Variants in PKN3 observed in about 807,000 individuals in gnomAD.
PKN3 encodes the protein protein kinase N3, also known as serine/threonine-protein kinase N3.
A neutral mutation model predicts 113.1 loss-of-function variants in PKN3; 91 were observed. The observed-to-expected ratio is 0.80, with a 90% CI of 0.68 to 0.96. The LOEUF is 0.96. Among genes scored for constraint, PKN3 ranks in the 40% least tolerant of loss-of-function variants. The pLI is 0.00. For missense variants in PKN3, 1,052 were observed against 1,202.2 expected (o/e 0.88, Z 1.85); for synonymous variants, 467 against 499.0 (o/e 0.94, Z 0.85).
intron 1 of PKN3, among the ~76,000 whole-genome samples, chr9:128,704,867 G>A (rs1026888790): frequency 4.6e-5 from 7 of 150,686 alleles, no homozygotes; most frequent in South Asian, 4.2e-4. Flanking sequence ...GTGGTGAACC[G>A]AGATCGTGCC....
intron 3 of PKN3, 67 bp downstream of exon 3, chr9:128,705,946 C>T: frequency 1.4e-6 from 2 of 1,443,714 alleles, no homozygotes; most frequent in Non-Finnish European, 1.9e-6. Flanking sequence ...TGCACCTCAG[C>T]CATTGGGCTC....
At position 128,705,578 on chromosome 9, in the gene PKN3, G is replaced by A. The variant is rs754024097; in HGVS notation, c.265+35G>A. The A allele has an allele frequency of 3.7e-5, 57 of 1,549,710 alleles. No homozygotes were observed. The Middle Eastern group carries it at 7.2e-4, about 20-fold the overall frequency. ...GAGCTGAGACCCCCTCAGGACAGAA[G>A]GCTCTAGGCCCATCTGGCCCCTGGC... is the stretch of plus-strand genomic sequence containing the variant. On this transcript the variant is annotated intron_variant, in intron 2 of 21. Transcript: ENST00000291906.
chr9:128,714,898 C>A (rs754116698), intron 13 of PKN3, 33 bp downstream of exon 13: 5 of 1,586,504 alleles, frequency 3.2e-6, no homozygotes, highest in Non-Finnish European at 4.3e-6. Context: ...ATGTTTGAGA[C>A]GTTCGTCTGC....
At position 128,706,885 on chromosome 9, in the gene PKN3, C is replaced by A. The variant is rs772558069; in HGVS notation, c.524-11C>A. 2 of 1,614,038 alleles carry A rather than the reference C, an allele frequency of 1.2e-6. No homozygotes were observed. Among genetic ancestry groups the A allele is most frequent in the East Asian group, 4.5e-5 (2 of 44,884 alleles). ...AAGAGCAGGGCCTGAGAGCCGCCGT[C>A]CTTCCCACAGGGCCTGAGCTGCTGG... On this transcript the variant is annotated splice_polypyrimidine_tract_variant and intron_variant, in intron 4 of 21. Transcript: ENST00000291906.
chr9:128,713,646 C>G lies in PKN3; in HGVS notation c.1236+4C>G. On this transcript the variant is annotated splice_donor_region_variant and intron_variant, in intron 9 of 21. Coordinates refer to ENST00000291906, the MANE Select transcript of PKN3 (RefSeq NM_013355.5). The stretch of plus-strand genomic sequence containing the variant: ...GCAGGGACTGCTTTTTGCCCAGGTG[C>G]TCACCACCTCCGCCCTCTGACTTGG... 6.2e-7 allele frequency: 1 copy of G among 1,613,354 alleles called. No individual in the cohort carries two copies. The highest frequency in any genetic ancestry group is 8.5e-7 in the Non-Finnish European group (1 of 1,179,822).
At position 128,702,763 on chromosome 9, in the gene PKN3, C is replaced by T. The variant is rs1003421786; in HGVS notation, c.-153C>T. 326 of 584,400 alleles carry T rather than the reference C, an allele frequency of 5.6e-4. 1 individual carries two copies. Among genetic ancestry groups the T allele is most frequent in the South Asian group, 1.5e-3 (71 of 48,222 alleles). 36.2% of individuals were successfully genotyped at this position (584,400 alleles called of 1,614,324 possible). On this transcript the variant is annotated 5_prime_UTR_variant, in exon 1 of 22. Coordinates refer to ENST00000291906, the MANE Select transcript of PKN3 (RefSeq NM_013355.5). ...CGCGGACGGGAGGCGGCGCTGGTCC[C>T]GCGGGCCAGCGGGTCTCGGGAGGGG... is the stretch of plus-strand genomic sequence containing the variant.
At chr9:128,705,922 G>C in intron 3 of PKN3, 43 bp downstream of exon 3, 1 of 1,516,898 alleles carries the variant, frequency 6.6e-7, no homozygotes, top group East Asian at 2.3e-5. Flanking sequence ...CTGGCCCCTG[G>C]TCTGACAGGG....
intron 1 of PKN3, 32 bp downstream of exon 1, chr9:128,702,971 G>C: frequency 2.2e-6 from 3 of 1,370,582 alleles, no homozygotes; most frequent in South Asian, 1.5e-5. Context: ...CGCGGGCCCG[G>C]GGGGTGCGAG....
rs1287644156 is a variant in PKN3 at position 128,713,971 on chromosome 9, C to G, written c.1237-75C>G. 6.7e-6 allele frequency: 10 copies of G among 1,495,060 alleles called. No homozygotes were observed. The African/African-American group carries it at 1.2e-4, about 19-fold the overall frequency. 92.6% of individuals were successfully genotyped at this position (1,495,060 alleles called of 1,614,324 possible). On this transcript the variant is annotated intron_variant, in intron 9 of 21. Transcript: ENST00000291906. ...TGACCCTGGGGGCTTGGGCTGTAAT[C>G]CCAGGGGCAGAGGAGGTGCCATGGC...
At position 128,713,536 on chromosome 9, in the gene PKN3, G is replaced by T; in HGVS notation, c.1130G>T (p.Trp377Leu). 1.9e-6 allele frequency: 3 copies of T among 1,613,940 alleles called. No homozygotes were observed. The highest frequency in any genetic ancestry group is 2.5e-6 in the Non-Finnish European group (3 of 1,179,990). The change falls in exon 9 of 22, where the codon TGG becomes TTG. Residue 377 changes from tryptophan to leucine, a missense_variant. Coordinates refer to ENST00000291906, the MANE Select transcript of PKN3 (RefSeq NM_013355.5). ...ELEIGVHWRDWRQLCGVAFLR... is the reference protein window; with the variant it reads ...ELEIGVHWRDLRQLCGVAFLR... The stretch of plus-strand genomic sequence containing the variant: ...GAGATTGGGGTACACTGGCGGGACT[G>T]GCGGCAGCTATGTGGCGTGGCCTTC...
At chr9:128,706,477 C>T (rs769533136) in intron 3 of PKN3, among the ~76,000 whole-genome samples, 11 of 151,966 alleles carry the variant, frequency 7.2e-5, no homozygotes, top group Non-Finnish European at 1.3e-4. Context: ...ATGGGAGAGG[C>T]ATGACCCCAG....
At chr9:128,718,826 A>C (rs1589493884) in intron 18 of PKN3, among the ~76,000 whole-genome samples, 1 of 149,504 alleles carries the variant, frequency 6.7e-6, no homozygotes, top group South Asian at 2.1e-4. Flanking sequence ...CCCAGCCTGC[A>C]CCTGGCCCAA....
chr9:128,707,435 T>G (rs768365331), intron 6 of PKN3, 30 bp downstream of exon 6: 7 of 1,557,616 alleles, frequency 4.5e-6, no homozygotes, highest in Non-Finnish European at 6.1e-6. Flanking sequence ...CCTTCAAAGC[T>G]CTCCTTCTTT....
rs1368686170 is a variant in PKN3, at chr9:128,705,490, T to G, written c.212T>G (p.Leu71Arg). 2.6e-6 allele frequency: 4 copies of G among 1,560,966 alleles called. No individual in the cohort carries two copies. Among genetic ancestry groups the G allele is most frequent in the Admixed American group, 3.8e-5 (2 of 52,062 alleles). The change falls in exon 2 of 22, where the codon CTG becomes CGG. Residue 71 changes from leucine (L) to arginine (R), a missense_variant. Leu to Arg is a moderately radical substitution (Grantham distance 102). Around this residue, in one of 2 missense-constraint regions of PKN3, gnomAD observed 719 missense variants for 759.4 expected, o/e 0.95. Coordinates refer to ENST00000291906, the MANE Select transcript of PKN3 (RefSeq NM_013355.5). ...NRRLEQLHGELRELHARILLP... is the reference protein window; with the variant it reads ...NRRLEQLHGERRELHARILLP... ...CGCCTGGAGCAGCTGCATGGCGAGCTGCGGGAGCTGCACGCCCGAATCCTG... is the reference window on the plus strand; with the variant it reads ...CGCCTGGAGCAGCTGCATGGCGAGCGGCGGGAGCTGCACGCCCGAATCCTG...
Position 128,720,560 on chromosome 9 carries a change from CCTTCCGGGA to C in PKN3, c.2629_2637del (p.Arg877_Phe879del). The C allele has an allele frequency of 2.5e-6, 4 of 1,613,498 alleles. No individual in the cohort carries two copies. The highest frequency in any genetic ancestry group is 3.4e-6 in the Non-Finnish European group (4 of 1,180,000). ...CTCCTCACTGCCCGCCAACAGGCCG[CCTTCCGGGA>C]CTTCGACTTTGTGTCAGAGCGATTC... On this transcript the variant is annotated inframe_deletion, in exon 22 of 22. Transcript: ENST00000291906. This position sits in a 1 kb window ranked among gnomAD's most constrained non-coding sequence, Gnocchi z 5.5.
intron 8 of PKN3, 27 bp downstream of exon 8, chr9:128,713,414 G>A (rs1862239935): frequency 6.2e-7 from 1 of 1,612,684 alleles, no homozygotes; most frequent in Non-Finnish European, 8.5e-7. Context: ...TGTGGTCAGG[G>A]GTGACCTTGG....
At chr9:128,714,955 C>T in intron 13 of PKN3, 90 bp downstream of exon 13, 1 of 1,306,510 alleles carries the variant, frequency 7.7e-7, no homozygotes, top group Non-Finnish European at 1.1e-6. Flanking sequence ...CCCTGGCTCC[C>T]TGGCGGGTGC....
rs140077098 is a variant in PKN3, at chr9:128,713,189, G to A, written c.973G>A (p.Glu325Lys). 3.9e-4 allele frequency: 631 copies of A among 1,606,858 alleles called. No individual in the cohort carries two copies. The highest frequency in any genetic ancestry group is 5.1e-4 in the Non-Finnish European group (604 of 1,174,694). Reference sequence around the variant, plus strand: ...GGCCAAGCACCAGCGTGGCCGAGGCGAGCTTGCCAGTGAGTAGGGAAGGAG... The same window carrying A: ...GGCCAAGCACCAGCGTGGCCGAGGCAAGCTTGCCAGTGAGTAGGGAAGGAG... ...TKAKHQRGRG[E>K]LASEVLAVLK... Residue 325 changes from glutamate to lysine, a missense_variant, in exon 7 of 22, where the codon GAG becomes AAG. Glu to Lys is a moderately conservative substitution (Grantham distance 56, BLOSUM62 1). Transcript: ENST00000291906.
chr9:128,714,100 C>T lies in PKN3; in HGVS notation c.1291C>T (p.Arg431Cys), dbSNP rs200958296. 213 of 1,614,088 alleles carry T rather than the reference C, an allele frequency of 1.3e-4. 2 individuals are homozygous for T. The South Asian group carries it at 1.9e-3, about 14-fold the overall frequency. Residue 431 changes from arginine to cysteine, a missense_variant, in exon 10 of 22, where the codon CGC becomes TGC. Physicochemically the swap from Arg to Cys is radical, Grantham distance 180. Around this residue, in one of 2 missense-constraint regions of PKN3, gnomAD observed 719 missense variants for 759.4 expected, o/e 0.95. Coordinates refer to ENST00000291906, the MANE Select transcript of PKN3 (RefSeq NM_013355.5). ...ERRPRLQRQE[R>C]IFSKRRGQDF... ...GCGGCCCCGGCTGCAGAGGCAGGAACGCATCTTCTCTAAACGCAGAGGTGT... is the reference window on the plus strand; with the variant it reads ...GCGGCCCCGGCTGCAGAGGCAGGAATGCATCTTCTCTAAACGCAGAGGTGT...
Sources: allele counts gnomAD v4.1 joint callset (sites outside exome capture counted in the v4.1 genomes callset), GRCh38; gene constraint gnomAD v4.1.1; regional missense constraint gnomAD v4.1.1; non-coding constraint Gnocchi (gnomAD v3.1); transcripts MANE v1.5; gene names NCBI Gene and HGNC (gene_info 2026-07-23, HGNC 2026-07-21).